The following MAGI1 variants were observed in gnomAD, a reference collection of about 807,000 sequenced individuals.
MAGI1 encodes the protein membrane-associated guanylate kinase, WW and PDZ domain-containing protein 1.
In MAGI1, 58 loss-of-function variants were observed where a neutral mutation model predicts 139.9. The observed-to-expected ratio is 0.41, with a 90% CI of 0.34 to 0.52. The LOEUF is 0.52. MAGI1 is among the 20% of genes least tolerant of loss of function. The pLI is 0.12. For synonymous variants in MAGI1, 812 were observed against 737.9 expected (o/e 1.10, Z -1.63); for missense variants, 1,874 against 1,901.6 (o/e 0.99, Z 0.27).
intron 2 of MAGI1, among the ~76,000 whole-genome samples, chr3:65,549,710 A>G (rs1227100371): frequency 6.6e-6 from 1 of 151,788 alleles, no homozygotes; most frequent in African/African-American, 2.4e-5. Flanking sequence ...GGGGTGGGAG[A>G]CAAATATGGC....
intron 1 of MAGI1, among the ~76,000 whole-genome samples, chr3:66,031,751 G>T (rs1007880162): frequency 5.3e-5 from 8 of 150,612 alleles, no homozygotes; most frequent in African/African-American, 2.0e-4. Flanking sequence ...ATTGGATTGT[G>T]TTCTGTAGCA....
chr3:65,679,519 T>C (rs2087426712), intron 1 of MAGI1, among the ~76,000 whole-genome samples: 1 of 151,670 alleles, frequency 6.6e-6, no homozygotes, highest in South Asian at 2.1e-4. Context: ...GCCAAGATCA[T>C]GCCACTGCAC....
intron 1 of MAGI1, among the ~76,000 whole-genome samples, chr3:66,014,641 G>A (rs953745409): frequency 6.6e-6 from 1 of 152,146 alleles, no homozygotes; most frequent in Non-Finnish European, 1.5e-5. Context: ...TGGTAGAAAG[G>A]CTAGGTCAAA....
At chr3:65,579,776 G>A (rs1278904308) in intron 2 of MAGI1, among the ~76,000 whole-genome samples, 1 of 151,810 alleles carries the variant, frequency 6.6e-6, no homozygotes, top group African/African-American at 2.4e-5. Context: ...GAAACTGGGA[G>A]GTGGAGGTTG....
Position 65,429,851 on chromosome 3 carries a change from G to A in MAGI1, c.1836C>T (p.Ser612=). 1 of 1,614,006 alleles carries A rather than the reference G, an allele frequency of 6.2e-7. No homozygotes were observed. The highest frequency in any genetic ancestry group is 8.5e-7 in the Non-Finnish European group (1 of 1,179,958). ...VNGMKDARPS[S]PADVASNSSH... The stretch of plus-strand genomic sequence containing the variant: ...AACTATTTGAAGCCACGTCCGCTGG[G>A]CTGCTTGGCCTGGCATCCTTCATGC... The change falls in exon 12 of 23, where the codon AGC becomes AGT. Residue 612 remains serine, a synonymous_variant. Coordinates refer to ENST00000402939, the MANE Select transcript of MAGI1 (RefSeq NM_001033057.2).
At chr3:65,998,779 T>A (rs144632540) in intron 1 of MAGI1, among the ~76,000 whole-genome samples, 1 of 152,298 alleles carries the variant, frequency 6.6e-6, no homozygotes, top group East Asian at 1.9e-4. Flanking sequence ...TACAGGGTAC[T>A]ATTCCTTTCA....
intron 1 of MAGI1, among the ~76,000 whole-genome samples, chr3:65,659,687 T>C (rs757547634): frequency 6.6e-6 from 1 of 152,208 alleles, no homozygotes; most frequent in Non-Finnish European, 1.5e-5. Flanking sequence ...TTTTTCACTT[T>C]GCAATAAATC....
At chr3:65,470,521 GAGA>G in intron 4 of MAGI1, 37 bp from the exon 5 acceptor site, 34 of 1,137,510 alleles carry the variant, frequency 3.0e-5, no homozygotes, top group Middle Eastern at 4.2e-4. Context: ...GAGAGAGAGA[GAGA>G]AAAAAAAAAA....
chr3:65,633,426 T>C (rs761781799), intron 1 of MAGI1, among the ~76,000 whole-genome samples: 1 of 152,190 alleles, frequency 6.6e-6, no homozygotes, highest in African/African-American at 2.4e-5. Flanking sequence ...GACAGATTTA[T>C]GTATGCTGAT....
intron 1 of MAGI1, among the ~76,000 whole-genome samples, chr3:65,943,785 G>A (rs1395043706): frequency 6.6e-6 from 1 of 152,140 alleles, no homozygotes; most frequent in Non-Finnish European, 1.5e-5. Flanking sequence ...ATATTCTGTA[G>A]AGAAGCAGTA....
intron 7 of MAGI1, among the ~76,000 whole-genome samples, chr3:65,444,357 CAA>C (rs1948538027): frequency 6.6e-6 from 1 of 151,810 alleles, no homozygotes; most frequent in Admixed American, 6.6e-5. Context: ...AAAATATTAC[CAA>C]AGAGTTGGGA....
intron 12 of MAGI1, among the ~76,000 whole-genome samples, chr3:65,422,352 T>C (rs1050245401): frequency 2.0e-5 from 3 of 152,172 alleles, no homozygotes; most frequent in African/African-American, 2.4e-5. Context: ...GAACAATGCA[T>C]CTACTAGCTG....
At chr3:66,019,850 G>A (rs995207311) in intron 1 of MAGI1, among the ~76,000 whole-genome samples, 7 of 152,072 alleles carry the variant, frequency 4.6e-5, no homozygotes, top group African/African-American at 9.7e-5. Context: ...TCAGAAGTGG[G>A]GATCAGTTGG....
intron 1 of MAGI1, among the ~76,000 whole-genome samples, chr3:65,881,406 C>A: frequency 6.6e-6 from 1 of 152,138 alleles, no homozygotes; most frequent in Non-Finnish European, 1.5e-5. Context: ...GCAGGAGGAT[C>A]ACTCGAGGCC....
intron 1 of MAGI1, among the ~76,000 whole-genome samples, chr3:65,756,890 G>C (rs949351315): frequency 6.6e-6 from 1 of 152,130 alleles, no homozygotes; most frequent in Non-Finnish European, 1.5e-5. Flanking sequence ...ATGAAAAACA[G>C]AATTCCTCTG....
At chr3:65,469,676 A>G (rs1950431478) in intron 5 of MAGI1, 1 of 151,952 alleles carries the variant, frequency 6.6e-6, no homozygotes, top group African/African-American at 2.4e-5. Context: ...AAGATTTCCT[A>G]GCTACTACAG....
intron 1 of MAGI1, among the ~76,000 whole-genome samples, chr3:65,814,575 C>CTGTT (rs1024163886): frequency 6.6e-6 from 1 of 152,056 alleles, no homozygotes; most frequent in Non-Finnish European, 1.5e-5. Context: ...ATTTTTTGTT[C>CTGTT]TGTTTTGTTT....
intron 1 of MAGI1, among the ~76,000 whole-genome samples, chr3:65,936,774 G>A (rs1214923292): frequency 2.0e-5 from 3 of 151,916 alleles, no homozygotes; most frequent in Non-Finnish European, 4.4e-5. Flanking sequence ...CTCTGCCATC[G>A]AGGCTGGAGT....
chr3:65,551,335 C>T (rs2079820967), intron 2 of MAGI1, among the ~76,000 whole-genome samples: 1 of 152,166 alleles, frequency 6.6e-6, no homozygotes, highest in African/African-American at 2.4e-5. Flanking sequence ...GAGTCTCACA[C>T]GGTCACCCAG....
Sources: allele counts gnomAD v4.1 joint callset (sites outside exome capture counted in the v4.1 genomes callset), GRCh38; gene constraint gnomAD v4.1.1; transcripts MANE v1.5; gene names NCBI Gene and HGNC (gene_info 2026-07-23, HGNC 2026-07-21).